Variants in TTC3 observed in about 807,000 individuals in gnomAD.
The protein encoded by TTC3 is E3 ubiquitin-protein ligase TTC3.
In TTC3, 180 loss-of-function variants were observed where a neutral mutation model predicts 249.6. The ratio of observed to expected loss-of-function variants is 0.72; its 90% CI spans 0.64 to 0.82. The LOEUF (loss-of-function observed/expected upper bound fraction) is 0.82, where lower values mean the gene tolerates loss of function less well. Ranked by LOEUF, TTC3 falls within the 40% of genes least tolerant of loss-of-function variation. The pLI, the probability that TTC3 is intolerant of heterozygous loss-of-function variation, is 0.00. For missense variants in TTC3, 2,061 were observed against 2,398.4 expected (o/e 0.86, Z 2.94); for synonymous variants, 717 against 805.0 (o/e 0.89, Z 1.85).
chr21:37,120,421 T>G (rs993769624), intron 11 of TTC3, among the ~76,000 whole-genome samples: 2 of 152,140 alleles, frequency 1.3e-5, no homozygotes, highest in African/African-American at 4.8e-5. Context: ...GAGAAAGAAA[T>G]AAAGTTCTCT....
intron 35 of TTC3, among the ~76,000 whole-genome samples, chr21:37,178,918 G>A (rs1486907574): frequency 1.3e-5 from 2 of 152,110 alleles, no homozygotes; most frequent in African/African-American, 2.4e-5. Flanking sequence ...CCAGGATCAT[G>A]CCATTGCACC....
chr21:37,127,693 T>C (rs1271143787), intron 15 of TTC3, among the ~76,000 whole-genome samples: 1 of 152,170 alleles, frequency 6.6e-6, no homozygotes, highest in Non-Finnish European at 1.5e-5. Context: ...TTCCCTTGTC[T>C]TGTTTGTTGG....
At chr21:37,084,113 G>A (rs142078669) in intron 1 of TTC3, 1 of 152,334 alleles carries the variant, frequency 6.6e-6, no homozygotes, top group East Asian at 1.9e-4. Context: ...AGTTCAGAAA[G>A]TGCTGTGTTA....
At chr21:37,101,997 A>C (rs2074558278) in intron 10 of TTC3, among the ~76,000 whole-genome samples, 1 of 149,486 alleles carries the variant, frequency 6.7e-6, no homozygotes, top group African/African-American at 2.4e-5. Flanking sequence ...TAGTATGTAG[A>C]TTTCCATTTT....
chr21:37,105,920 G>A (rs772571903), intron 10 of TTC3, among the ~76,000 whole-genome samples: 5 of 152,238 alleles, frequency 3.3e-5, no homozygotes, highest in Admixed American at 2.0e-4. Context: ...GTATTGTTGT[G>A]AACATATGTA....
At chr21:37,083,543 A>C in intron 1 of TTC3, 3 of 389,548 alleles carry the variant, frequency 7.7e-6, no homozygotes, top group Non-Finnish European at 1.1e-5. Flanking sequence ...GGAAGCAGAA[A>C]TGACAAGAGT....
At chr21:37,106,313 A>G (rs73407961) in intron 10 of TTC3, among the ~76,000 whole-genome samples, 3,060 of 152,250 alleles carry the variant, frequency 0.02, 101 homozygotes, top group African/African-American at 0.07. Flanking sequence ...AATATGAGTC[A>G]TTGGTCAGAT....
Position 37,124,600 on chromosome 21 carries a change from C to T in TTC3, c.1110-19C>T. On this transcript the variant is annotated intron_variant, in intron 13 of 45. Transcript: ENST00000355666. ...AACTTTCAAAAAATGTATAATAATTCCTTTTTTCCCCCACTTAGGGCCTAC... is the reference window on the plus strand; with the variant it reads ...AACTTTCAAAAAATGTATAATAATTTCTTTTTTCCCCCACTTAGGGCCTAC... The T allele has an allele frequency of 6.2e-7, 1 of 1,603,944 alleles. No individual in the cohort carries two copies. Among genetic ancestry groups the T allele is most frequent in the South Asian group, 1.1e-5 (1 of 88,824 alleles).
rs1317517267 is a variant in TTC3, at chr21:37,198,036, C to G, written c.5850+11C>G. The G allele has an allele frequency of 1.3e-6, 2 of 1,574,786 alleles. No homozygotes were observed. The highest frequency in any genetic ancestry group is 4.0e-5 in the Admixed American group (2 of 50,442). ...GTCCCTGTGAGGATTGTATGTATAA[C>G]TGTATAGTTTTGTTTTTTAATGAAA... On this transcript the variant is annotated intron_variant, in intron 44 of 45. Coordinates refer to ENST00000355666, the Ensembl canonical transcript of TTC3.
chr21:37,151,426 T>C (rs1474480100), intron 25 of TTC3, among the ~76,000 whole-genome samples: 1 of 152,162 alleles, frequency 6.6e-6, no homozygotes, highest in East Asian at 1.9e-4. Flanking sequence ...TTTTTTATCA[T>C]TTGTGACCAA....
intron 36 of TTC3, among the ~76,000 whole-genome samples, chr21:37,184,951 T>C (rs918025271): frequency 2.0e-5 from 3 of 152,198 alleles, no homozygotes; most frequent in Non-Finnish European, 4.4e-5. Flanking sequence ...GACTAGAACA[T>C]AGAGCTCATG....
In TTC3 at chr21:37,087,884, G is replaced by A. The variant is rs201817864; in HGVS notation, c.187+9G>A. 2.3e-5 allele frequency: 37 copies of A among 1,592,606 alleles called. No homozygotes were observed. In the African/African-American group the frequency reaches 3.0e-4, roughly 13 times the overall value. On this transcript the variant is annotated intron_variant, in intron 3 of 45. Coordinates refer to ENST00000355666, the Ensembl canonical transcript of TTC3. ...AAGTGAGAGGAATTTGGGTGAGTACGTTGGTATTTTTAATGTTAATTTATG... is the reference window on the plus strand; with the variant it reads ...AAGTGAGAGGAATTTGGGTGAGTACATTGGTATTTTTAATGTTAATTTATG...
At chr21:37,176,934 A>C (rs2040125) in intron 35 of TTC3, among the ~76,000 whole-genome samples, 3 of 151,986 alleles carry the variant, frequency 2.0e-5, no homozygotes, top group Non-Finnish European at 2.9e-5. Flanking sequence ...CAGTGTAGGC[A>C]TATCAGTTAA....
Position 37,197,823 on chromosome 21 carries a change from G to T in TTC3, c.5707-59G>T, listed in dbSNP as rs1429373207. On this transcript the variant is annotated intron_variant, in intron 43 of 45. Coordinates refer to ENST00000355666, the Ensembl canonical transcript of TTC3. Reference sequence around the variant, plus strand: ...ACTAAAGACAGAAGATGGTCAAGTTGTTGGATAACTGGTTGCTTCCCTCTT... The same window carrying T: ...ACTAAAGACAGAAGATGGTCAAGTTTTTGGATAACTGGTTGCTTCCCTCTT... 1.9e-6 allele frequency: 3 copies of T among 1,572,646 alleles called. No individual in the cohort carries two copies. In the African/African-American group the frequency reaches 4.2e-5, roughly 22 times the overall value.
intron 9 of TTC3, among the ~76,000 whole-genome samples, chr21:37,095,670 T>G (rs1255384760): frequency 1.3e-5 from 2 of 152,246 alleles, no homozygotes; most frequent in Non-Finnish European, 2.9e-5. Context: ...AATTTTCTGT[T>G]CCATTTTCTT....
chr21:37,118,652 G>T (rs1479752645), intron 11 of TTC3, among the ~76,000 whole-genome samples: 1 of 152,162 alleles, frequency 6.6e-6, no homozygotes, highest in Non-Finnish European at 1.5e-5. Flanking sequence ...CTAGGGGTTA[G>T]CTTCAGGAAT....
Position 37,079,517 on chromosome 21 carries a change from GTTTTTTTTTTTT to G in TTC3, c.-12+6176_-12+6187del, listed in dbSNP as rs60361476. 1.5e-4 allele frequency among the ~76,000 whole-genome samples: 14 copies of G among 91,230 alleles called. No individual in the cohort carries two copies. The East Asian group carries it at 2.3e-3, about 15-fold the overall frequency. 59.9% of individuals were successfully genotyped at this position (91,230 alleles called of 152,430 possible). ...GTCCTTTCATCAAGTTTATGGTATG[GTTTTTTTTTTTT>G]TTTTTTTTTTTTTTTTTTTTTTAAG... On this transcript the variant is annotated intron_variant, in intron 1 of 45. Coordinates refer to ENST00000355666, the Ensembl canonical transcript of TTC3.
intron 1 of TTC3, among the ~76,000 whole-genome samples, chr21:37,074,849 T>C (rs1263061011): frequency 1.3e-5 from 2 of 152,196 alleles, no homozygotes; most frequent in African/African-American, 2.4e-5. Context: ...TAATTTTCCT[T>C]TTTTTCTTTT....
intron 28 of TTC3, 97 bp from the exon 29 acceptor site, chr21:37,159,602 A>G: frequency 1.5e-6 from 2 of 1,345,720 alleles, no homozygotes; most frequent in East Asian, 2.4e-5. Context: ...AACATGGCCT[A>G]TGCCAGTAGT....
Sources: allele counts gnomAD v4.1 joint callset (sites outside exome capture counted in the v4.1 genomes callset), GRCh38; gene constraint gnomAD v4.1.1; transcripts MANE v1.5; gene names NCBI Gene and HGNC (gene_info 2026-07-23, HGNC 2026-07-21).